Variants in ZDHHC6 observed in about 807,000 individuals in gnomAD.
ZDHHC6 encodes the protein zDHHC palmitoyltransferase 6, also known as palmitoyltransferase ZDHHC6.
ZDHHC6 carries 32 observed loss-of-function variants against 57.8 expected under a neutral mutation model. The observed-to-expected ratio is 0.55, with a 90% CI of 0.42 to 0.74. ZDHHC6 has a LOEUF of 0.74. Ranked by LOEUF, ZDHHC6 falls within the 30% of genes least tolerant of loss-of-function variation. The probability of loss-of-function intolerance (pLI) is 0.00; values close to 1 mark genes in which losing one functional copy is unlikely to be tolerated. For missense variants in ZDHHC6, 433 were observed against 500.7 expected (o/e 0.86, Z 1.29); for synonymous variants, 128 against 158.0 (o/e 0.81, Z 1.42).
At chr10:112,434,216 A>G in intron 7 of ZDHHC6, 81 bp downstream of exon 7, 1 of 1,380,512 alleles carries the variant, frequency 7.2e-7, no homozygotes, top group Non-Finnish European at 9.7e-7. Context: ...ATTTTACTAC[A>G]AAATGTCACT....
intron 4 of ZDHHC6, among the ~76,000 whole-genome samples, 175 bp downstream of exon 4, chr10:112,442,017 A>C (rs1284495212): frequency 6.6e-6 from 1 of 152,222 alleles, no homozygotes; most frequent in African/African-American, 2.4e-5. Flanking sequence ...CCTCATCTTA[A>C]AATTTAAGTT....
At chr10:112,441,834 G>T (rs1589749903) in intron 4 of ZDHHC6, among the ~76,000 whole-genome samples, 1 of 152,172 alleles carries the variant, frequency 6.6e-6, no homozygotes, top group African/African-American at 2.4e-5. Context: ...AATGAACAAA[G>T]AACTACAACT....
At chr10:112,444,655 C>A (rs1189609653) in intron 2 of ZDHHC6, among the ~76,000 whole-genome samples, 1 of 152,214 alleles carries the variant, frequency 6.6e-6, no homozygotes, top group African/African-American at 2.4e-5. Context: ...GGTCCCTTAG[C>A]AGGAAACATG....
chr10:112,426,510 A>G, downstream of ZDHHC6: 1 of 649,198 alleles, frequency 1.5e-6, no homozygotes, highest in South Asian at 2.0e-5. Context: ...GAGAGTTTAA[A>G]AAATAAAACT....
chr10:112,447,360 G>T (rs775988341), upstream of ZDHHC6: 20 of 1,611,884 alleles, frequency 1.2e-5, 1 homozygote, highest in South Asian at 1.8e-4. Flanking sequence ...TGGGCTACTC[G>T]TTCCGGAGCC....
At chr10:112,426,487 C>T, downstream of ZDHHC6, 5 of 731,844 alleles carry the variant, frequency 6.8e-6, no homozygotes, top group East Asian at 2.6e-5. Context: ...TTATGGGACT[C>T]GGGGATAGGA....
In ZDHHC6 at chr10:112,430,824, C is replaced by T. The variant is rs760055505; in HGVS notation, c.1222G>A (p.Gly408Arg). Residue 408 changes from glycine to arginine, a missense_variant, in exon 11 of 11, where the codon GGG becomes AGG. Physicochemically the swap from Gly to Arg is moderately radical, Grantham distance 125. Coordinates refer to ENST00000369405, the MANE Select transcript of ZDHHC6 (RefSeq NM_022494.3). ...AGCAGCTATCTATTTTTCTTCTCCC[C>T]CTCTGGGGCTTGATCTGTTTCAGCA... is the stretch of plus-strand genomic sequence containing the variant. ...CDAETDQAPE[G>R]EKKNR The T allele has an allele frequency of 7.4e-6, 12 of 1,612,866 alleles. No homozygotes were observed. The highest frequency in any genetic ancestry group is 5.0e-5 in the Admixed American group (3 of 59,884).
Position 112,445,291 on chromosome 10 carries a change from A to C in ZDHHC6, c.146T>G (p.Leu49Ter). 6.2e-6 allele frequency: 10 copies of C among 1,614,222 alleles called. No individual in the cohort carries two copies. The highest frequency in any genetic ancestry group is 8.5e-6 in the Non-Finnish European group (10 of 1,180,044). Residue 49 changes from leucine (L) to a stop codon, truncating the protein, a stop_gained, in exon 2 of 11, where the codon TTA (leucine) becomes TGA (stop). Transcript: ENST00000369405. LOFTEE classifies it high-confidence loss of function. ...ATTCACACTTCCTCCAGTTGTATGTAAGGGCCAATACCACAACACAGAGTC... is the reference window on the plus strand; with the variant it reads ...ATTCACACTTCCTCCAGTTGTATGTCAGGGCCAATACCACAACACAGAGTC... ...MIDSVLWYWP[L>*]HTTGGSVNFI...
At chr10:112,426,854 G>T, downstream of ZDHHC6, 2 of 1,611,414 alleles carry the variant, frequency 1.2e-6, no homozygotes, top group South Asian at 2.2e-5. Flanking sequence ...TAAAACTTTT[G>T]AACAGGTGTG....
chr10:112,426,581 A>T, downstream of ZDHHC6: 1 of 621,406 alleles, frequency 1.6e-6, no homozygotes, highest in East Asian at 2.7e-5. Context: ...AAGAGTAAAA[A>T]TGCTATTCAG....
chr10:112,445,156 A>C lies in ZDHHC6; in HGVS notation c.267+14T>G. On this transcript the variant is annotated intron_variant, in intron 2 of 10. Coordinates refer to ENST00000369405, the MANE Select transcript of ZDHHC6 (RefSeq NM_022494.3). ...TTATCATTAAAGTTCATTGTCTTACAGAATCTTTCTTACCGGTTTCCACCC... is the reference window on the plus strand; with the variant it reads ...TTATCATTAAAGTTCATTGTCTTACCGAATCTTTCTTACCGGTTTCCACCC... 3 of 1,606,656 alleles carry C rather than the reference A, an allele frequency of 1.9e-6. No homozygotes were observed. The highest frequency in any genetic ancestry group is 2.6e-6 in the Non-Finnish European group (3 of 1,174,986).
chr10:112,445,556 G>T lies in ZDHHC6; in HGVS notation c.-120C>A. 1.7e-6 allele frequency: 2 copies of T among 1,195,706 alleles called. No homozygotes were observed. Among genetic ancestry groups the T allele is most frequent in the Non-Finnish European group, 2.3e-6 (2 of 867,312 alleles). 74.1% of individuals were successfully genotyped at this position (1,195,706 alleles called of 1,614,324 possible). On this transcript the variant is annotated 5_prime_UTR_variant, in exon 2 of 11. Transcript: ENST00000369405. ...TTTAATTGTCATGCCTTCAAGCTGTGAACTGTTAACGCAGATTACACCATT... is the reference window on the plus strand; with the variant it reads ...TTTAATTGTCATGCCTTCAAGCTGTTAACTGTTAACGCAGATTACACCATT...
downstream of ZDHHC6, among the ~76,000 whole-genome samples, chr10:112,428,720 G>A (rs957443047): frequency 1.3e-4 from 20 of 151,878 alleles, no homozygotes; most frequent in African/African-American, 4.3e-4. Flanking sequence ...GCAGCGAGCC[G>A]AGATCGCACC....
At chr10:112,435,357 GCAA>G (rs1264785131) in intron 6 of ZDHHC6, among the ~76,000 whole-genome samples, 13 of 152,014 alleles carry the variant, frequency 8.6e-5, no homozygotes, top group Admixed American at 8.5e-4. Context: ...TTTTTACTCA[GCAA>G]TAAAGTGCCC....
At chr10:112,444,360 T>C (rs1846438215) in intron 2 of ZDHHC6, among the ~76,000 whole-genome samples, 1 of 152,222 alleles carries the variant, frequency 6.6e-6, no homozygotes, top group Non-Finnish European at 1.5e-5. Flanking sequence ...CAATGCTCAA[T>C]TCTTCTAACT....
downstream of ZDHHC6, chr10:112,425,326 T>C: frequency 3.1e-6 from 5 of 1,594,238 alleles, no homozygotes; most frequent in South Asian, 3.4e-5. Flanking sequence ...TACTTTTATC[T>C]GTCTCATGTA....
In ZDHHC6 at chr10:112,443,653, A is replaced by G. The variant is rs749159151; in HGVS notation, c.268-47T>C. On this transcript the variant is annotated intron_variant, in intron 2 of 10. Transcript: ENST00000369405. ...AAAATGCATCATCGGATACTTGAAT[A>G]TAAGTATGATTCCTACGGTATGATT... 1.1e-5 allele frequency: 16 copies of G among 1,421,360 alleles called. 1 individual carries two copies. The highest frequency in any genetic ancestry group is 3.5e-4 in the Middle Eastern group (2 of 5,714). The allele number at this position is 1,421,360 out of a possible 1,614,324, so 88.0% of individuals were successfully genotyped here.
At chr10:112,428,170 G>T (rs1187110825), downstream of ZDHHC6, 1 of 336,480 alleles carries the variant, frequency 3.0e-6, no homozygotes, top group Non-Finnish European at 5.3e-6. Context: ...TCCAGTAAAT[G>T]AAGCAAGCAC....
chr10:112,438,101 G>C (rs1845721529), intron 6 of ZDHHC6, among the ~76,000 whole-genome samples: 1 of 152,180 alleles, frequency 6.6e-6, no homozygotes, highest in African/African-American at 2.4e-5. Context: ...CGACCACTCA[G>C]GGTGTATGAG....
Sources: gnomAD v4.1 joint callset for allele counts (sites outside exome capture counted in the v4.1 genomes callset) on GRCh38, gnomAD v4.1.1 for gene constraint, MANE v1.5 for transcripts, NCBI Gene and HGNC (gene_info 2026-07-23, HGNC 2026-07-21) for gene names.